Variants in SPTLC3 observed in about 807,000 individuals in gnomAD.
The protein encoded by SPTLC3 is serine palmitoyltransferase 3.
SPTLC3 carries 36 observed loss-of-function variants against 59.3 expected under a neutral mutation model. The observed-to-expected ratio is 0.61, with a 90% CI of 0.47 to 0.80. The LOEUF is 0.80. Among genes scored for constraint, SPTLC3 ranks in the 30% least tolerant of loss-of-function variants. SPTLC3 has a pLI of 0.00. For missense variants in SPTLC3, 625 were observed against 685.1 expected, an observed-to-expected ratio of 0.91 and a Z score of 0.98; for synonymous variants, 257 against 240.8, an observed-to-expected ratio of 1.07 and a Z score of -0.62.
intron 2 of SPTLC3, among the ~76,000 whole-genome samples, chr20:13,063,551 C>T (rs1221837859): frequency 6.6e-6 from 1 of 151,768 alleles, no homozygotes; most frequent in Non-Finnish European, 1.5e-5. Flanking sequence ...TTATTTTAAA[C>T]ATTTGGTCCA....
intron 1 of SPTLC3, among the ~76,000 whole-genome samples, chr20:13,044,200 A>G (rs1481215877): frequency 2.0e-5 from 3 of 151,712 alleles, no homozygotes; most frequent in Non-Finnish European, 4.4e-5. Context: ...CCTGGGTTCA[A>G]GCAATTCCCC....
chr20:13,123,487 G>A (rs1405399353), intron 8 of SPTLC3, among the ~76,000 whole-genome samples: 1 of 152,114 alleles, frequency 6.6e-6, no homozygotes. Flanking sequence ...GCCAACTAAG[G>A]CACAGAGAGA....
intron 1 of SPTLC3, among the ~76,000 whole-genome samples, chr20:13,045,709 T>C (rs1183264137): frequency 2.6e-5 from 4 of 152,170 alleles, no homozygotes; most frequent in Non-Finnish European, 5.9e-5. Context: ...TTTTGAAATT[T>C]TCTCCTTTGT....
At chr20:13,071,283 T>G (rs1165707453) in intron 2 of SPTLC3, among the ~76,000 whole-genome samples, 1 of 152,212 alleles carries the variant, frequency 6.6e-6, no homozygotes, top group Non-Finnish European at 1.5e-5. Context: ...CATTCTGGTT[T>G]TAGTAATGGT....
chr20:13,073,689 C>T, intron 3 of SPTLC3: 1 of 383,520 alleles, frequency 2.6e-6, no homozygotes, highest in South Asian at 2.5e-5. Flanking sequence ...TGCTTATCTG[C>T]TTGTTCATTG....
intron 2 of SPTLC3, among the ~76,000 whole-genome samples, chr20:13,052,487 T>G (rs1293237363): frequency 1.3e-5 from 2 of 151,996 alleles, no homozygotes; most frequent in African/African-American, 4.8e-5. Flanking sequence ...AGTTTTTTTG[T>G]TGTTGTTTGG....
intron 6 of SPTLC3, among the ~76,000 whole-genome samples, chr20:13,095,541 C>T (rs756281076): frequency 7.9e-5 from 12 of 152,084 alleles, no homozygotes; most frequent in Non-Finnish European, 1.3e-4. Flanking sequence ...GGAGACTAAA[C>T]GTAAGCTTCA....
chr20:13,106,087 A>G (rs1989878760), intron 6 of SPTLC3, among the ~76,000 whole-genome samples: 2 of 152,234 alleles, frequency 1.3e-5, no homozygotes, highest in Admixed American at 6.5e-5. Context: ...GGAACGTTCA[A>G]AAAATATCTA....
At chr20:13,125,040 T>C (rs1311654075) in intron 8 of SPTLC3, among the ~76,000 whole-genome samples, 1 of 152,002 alleles carries the variant, frequency 6.6e-6, no homozygotes, top group East Asian at 1.9e-4. Context: ...TGCAGAGGCC[T>C]GTCATCAGCC....
rs551877581 is a variant in SPTLC3, at chr20:13,012,256, T to C, written c.117+2872T>C. 4.1e-3 allele frequency among the ~76,000 whole-genome samples: 623 copies of C among 152,292 alleles called. 1 individual carries two copies. The highest frequency in any genetic ancestry group is 6.6e-3 in the Non-Finnish European group (452 of 68,022). ...TGTAAAGTTTTCCTAATCATCCCTT[T>C]CCTGGAAAACAAAAATGTTTGGGGA... On this transcript the variant is annotated intron_variant, in intron 1 of 11. Transcript: ENST00000399002.
intron 10 of SPTLC3, among the ~76,000 whole-genome samples, chr20:13,158,809 C>A (rs2038831608): frequency 1.3e-5 from 2 of 152,206 alleles, no homozygotes; most frequent in Admixed American, 6.5e-5. Context: ...CTGAAACAAC[C>A]AAAAGGCAGA....
At chr20:13,033,542 C>A (rs1293502721) in intron 1 of SPTLC3, among the ~76,000 whole-genome samples, 1 of 152,162 alleles carries the variant, frequency 6.6e-6, no homozygotes, top group Non-Finnish European at 1.5e-5. Flanking sequence ...TTGCTCAGAA[C>A]TCAGTCTTAT....
At chr20:13,108,819 G>A (rs1990059480) in intron 6 of SPTLC3, among the ~76,000 whole-genome samples, 1 of 152,146 alleles carries the variant, frequency 6.6e-6, no homozygotes, top group Admixed American at 6.6e-5. Flanking sequence ...AGCTTTGCTA[G>A]ATGTCACCTT....
At chr20:13,157,360 C>T (rs910342945) in intron 10 of SPTLC3, among the ~76,000 whole-genome samples, 6 of 151,970 alleles carry the variant, frequency 3.9e-5, no homozygotes, top group African/African-American at 7.3e-5. Context: ...TCGCTGGAAC[C>T]CGGGAGGTGG....
intron 3 of SPTLC3, among the ~76,000 whole-genome samples, chr20:13,073,215 CT>C (rs5840550): frequency 0.38 from 57,824 of 151,886 alleles, 11,163 homozygotes; most frequent in Middle Eastern, 0.49. Flanking sequence ...TCCTCCCTAC[CT>C]TTTCTAGCCT....
At chr20:13,123,585 A>T (rs2037917536) in intron 8 of SPTLC3, among the ~76,000 whole-genome samples, 4 of 151,622 alleles carry the variant, frequency 2.6e-5, no homozygotes, top group Admixed American at 2.6e-4. Flanking sequence ...CTGCACTGTA[A>T]CTCCTGCGTT....
intron 8 of SPTLC3, among the ~76,000 whole-genome samples, chr20:13,119,211 C>T (rs532511861): frequency 2.0e-5 from 3 of 152,312 alleles, no homozygotes; most frequent in South Asian, 4.1e-4. Context: ...AAATTTTTAA[C>T]GAAGCATAAC....
At chr20:13,147,121 C>T (rs2038532098) in intron 9 of SPTLC3, among the ~76,000 whole-genome samples, 3 of 152,154 alleles carry the variant, frequency 2.0e-5, no homozygotes, top group African/African-American at 7.2e-5. Context: ...CTGCCCACCC[C>T]TGATGTCCAG....
In SPTLC3 at chr20:13,117,615, G is replaced by A. The variant is rs201694591; in HGVS notation, c.1042G>A (p.Gly348Ser). ...AHSIGAVGPT[G>S]RGVTEFFGLD... ...CAGTATTGGGGCCGTGGGCCCAACC[G>A]GCCGGGGTGTCACGGAGTTCTTTGG... Residue 348 changes from glycine (G) to serine (S), a missense_variant, in exon 8 of 12, where the codon GGC (glycine) becomes AGC (serine). Gly to Ser is a moderately conservative substitution (Grantham distance 56). Transcript: ENST00000399002. 24 of 1,613,976 alleles carry A rather than the reference G, an allele frequency of 1.5e-5. No homozygotes were observed. Among genetic ancestry groups the A allele is most frequent in the Middle Eastern group, 1.6e-4 (1 of 6,078 alleles).
Sources: gnomAD v4.1 joint callset for allele counts (sites outside exome capture counted in the v4.1 genomes callset) on GRCh38, gnomAD v4.1.1 for gene constraint, MANE v1.5 for transcripts, NCBI Gene and HGNC (gene_info 2026-07-23, HGNC 2026-07-21) for gene names.